The following CTNNA3 variants were observed in gnomAD, a reference collection of about 807,000 sequenced individuals.
CTNNA3 encodes catenin alpha-3.
Under a neutral mutation model 95.7 loss-of-function variants are expected in CTNNA3, and 76 were observed. That is an observed-to-expected ratio of 0.79 (90% CI 0.66 to 0.96). The LOEUF (loss-of-function observed/expected upper bound fraction) is 0.96. Among genes scored for constraint, CTNNA3 ranks in the 40% least tolerant of loss-of-function variants. CTNNA3 has a pLI of 0.00. For missense variants in CTNNA3, 1,191 were observed against 1,089.8 expected (o/e 1.09, Z -1.31); for synonymous variants, 431 against 374.4 (o/e 1.15, Z -1.74).
chr10:66,391,579 T>A (rs1046541421), intron 11 of CTNNA3, among the ~76,000 whole-genome samples: 5 of 152,104 alleles, frequency 3.3e-5, no homozygotes, highest in Admixed American at 3.3e-4. Context: ...TAAGAGTTAA[T>A]GCTCTTTAAA....
chr10:67,355,990 C>T (rs141871797), intron 5 of CTNNA3, among the ~76,000 whole-genome samples: 1 of 152,118 alleles, frequency 6.6e-6, no homozygotes, highest in African/African-American at 2.4e-5. Flanking sequence ...CATAGCCTTA[C>T]AACTTTAAAG....
intron 1 of CTNNA3, among the ~76,000 whole-genome samples, chr10:67,685,950 C>G (rs1051266245): frequency 1.3e-5 from 2 of 152,118 alleles, no homozygotes; most frequent in Admixed American, 1.3e-4. Flanking sequence ...GTTTCTTCCT[C>G]TCTCTCTTTC....
chr10:66,741,572 G>C (rs774792194), intron 9 of CTNNA3, among the ~76,000 whole-genome samples: 3 of 152,138 alleles, frequency 2.0e-5, no homozygotes, highest in Non-Finnish European at 2.9e-5. Context: ...ACTACACAAT[G>C]CATGGATTCC....
At chr10:67,612,699 G>A (rs1340997904) in intron 2 of CTNNA3, among the ~76,000 whole-genome samples, 1 of 152,102 alleles carries the variant, frequency 6.6e-6, no homozygotes. Flanking sequence ...CCATCAACCT[G>A]CCTCTCCACC....
intron 13 of CTNNA3, among the ~76,000 whole-genome samples, chr10:66,182,756 A>C (rs1189071964): frequency 6.6e-6 from 1 of 152,184 alleles, no homozygotes; most frequent in Non-Finnish European, 1.5e-5. Context: ...AAATAATTTA[A>C]GATCCTAAAA....
At chr10:67,252,485 T>C (rs768854098) in intron 5 of CTNNA3, among the ~76,000 whole-genome samples, 43 of 152,276 alleles carry the variant, frequency 2.8e-4, no homozygotes, top group Middle Eastern at 3.4e-3. Context: ...CAATAACTAA[T>C]AACAAAATAG....
chr10:66,917,325 C>T (rs1846542422), intron 7 of CTNNA3, among the ~76,000 whole-genome samples: 1 of 152,268 alleles, frequency 6.6e-6, no homozygotes, highest in East Asian at 1.9e-4. Context: ...CCTAAGCATT[C>T]CCCAACATTC....
At chr10:66,802,605 T>C (rs752673234) in intron 7 of CTNNA3, among the ~76,000 whole-genome samples, 3 of 151,736 alleles carry the variant, frequency 2.0e-5, no homozygotes, top group South Asian at 4.1e-4. Context: ...AATAAATACA[T>C]GTGTATAGCC....
In CTNNA3 at chr10:66,349,248, C is replaced by A. The variant is rs559894349; in HGVS notation, c.1732+29904G>T. 1.3e-3 allele frequency among the ~76,000 whole-genome samples: 195 copies of A among 152,140 alleles called. 2 individuals are homozygous for A. The highest frequency in any genetic ancestry group is 4.4e-3 in the African/African-American group (184 of 41,538). On this transcript the variant is annotated intron_variant, in intron 12 of 17. Coordinates refer to ENST00000433211, the MANE Select transcript of CTNNA3 (RefSeq NM_013266.4). ...TACAAAGAAGAAACTGAAGCCCTCA[C>A]TCCTACAACCACAGGGAACTGAATT...
In CTNNA3 at chr10:66,685,681, A is replaced by AT. The variant is rs1213001281; in HGVS notation, c.1282-63898dup. Among the ~76,000 whole-genome samples the AT allele has an allele frequency of 5.3e-5, 8 of 151,662 alleles. No homozygotes were observed. In the South Asian group the frequency reaches 6.3e-4, roughly 12 times the overall value. ...GACACCGCACCAGGCCAAGAACCATATTTTTTTTAAAAAGTTTGCCACTGT... is the reference window on the plus strand; with the variant it reads ...GACACCGCACCAGGCCAAGAACCATATTTTTTTTTAAAAAGTTTGCCACTGT... On this transcript the variant is annotated intron_variant, in intron 9 of 17. Coordinates refer to ENST00000433211, the MANE Select transcript of CTNNA3 (RefSeq NM_013266.4).
intron 15 of CTNNA3, among the ~76,000 whole-genome samples, chr10:66,019,786 A>G (rs2133419988): frequency 6.6e-6 from 1 of 152,330 alleles, no homozygotes; most frequent in Non-Finnish European, 1.5e-5. Flanking sequence ...TTCAAAGTCT[A>G]TAAAATGAAT....
At chr10:67,523,220 C>T (rs937752130) in intron 4 of CTNNA3, among the ~76,000 whole-genome samples, 2 of 152,128 alleles carry the variant, frequency 1.3e-5, no homozygotes, top group Admixed American at 1.3e-4. Flanking sequence ...AACAAATAAT[C>T]ATTTAGAACC....
chr10:67,335,780 T>C lies in CTNNA3; in HGVS notation c.580-115910A>G, dbSNP rs568897599. Among the ~76,000 whole-genome samples the C allele has an allele frequency of 8.5e-5, 13 of 152,356 alleles. No individual in the cohort carries two copies. The South Asian group carries it at 1.9e-3, about 22-fold the overall frequency. On this transcript the variant is annotated intron_variant, in intron 5 of 17. Coordinates refer to ENST00000433211, the MANE Select transcript of CTNNA3 (RefSeq NM_013266.4). The stretch of plus-strand genomic sequence containing the variant: ...TATTACATATCATTTTGCTTAAAGT[T>C]GTAGTCTCCAAGAACCTATCGACAA...
intron 5 of CTNNA3, among the ~76,000 whole-genome samples, chr10:67,348,131 C>A (rs1842502688): frequency 6.6e-6 from 1 of 152,106 alleles, no homozygotes; most frequent in Admixed American, 6.5e-5. Flanking sequence ...ACCCTTACAC[C>A]ATACATAACA....
At chr10:67,282,212 A>T (rs1211824348) in intron 5 of CTNNA3, among the ~76,000 whole-genome samples, 2 of 152,358 alleles carry the variant, frequency 1.3e-5, no homozygotes, top group Middle Eastern at 3.4e-3. Context: ...AATTTATTTT[A>T]AAATTTTATA....
In CTNNA3 at chr10:67,239,431, T is replaced by C. The variant is rs74477265; in HGVS notation, c.580-19561A>G. Among the ~76,000 whole-genome samples, 1,959 of 151,414 alleles carry C rather than the reference T, an allele frequency of 0.013. 118 individuals carry two copies. The East Asian group carries it at 0.19, about 15-fold the overall frequency. On this transcript the variant is annotated intron_variant, in intron 5 of 17. Coordinates refer to ENST00000433211, the MANE Select transcript of CTNNA3 (RefSeq NM_013266.4). ...TTTAATTCCATCTATGTGAAGTTCA[T>C]ACTCAGGCAAAAGTAACCTATCATT...
At chr10:65,961,521 C>A (rs879624558) in intron 17 of CTNNA3, among the ~76,000 whole-genome samples, 5 of 151,928 alleles carry the variant, frequency 3.3e-5, no homozygotes, top group Non-Finnish European at 4.4e-5. Flanking sequence ...GGAATATGTG[C>A]AAAAATATGA....
chr10:66,950,268 T>C (rs1314197188), intron 7 of CTNNA3, among the ~76,000 whole-genome samples: 2 of 152,164 alleles, frequency 1.3e-5, no homozygotes, highest in Non-Finnish European at 2.9e-5. Flanking sequence ...TTTACTTCTA[T>C]AGCCATTAAA....
chr10:67,525,752 T>C (rs2133169479), intron 4 of CTNNA3, among the ~76,000 whole-genome samples: 1 of 152,322 alleles, frequency 6.6e-6, no homozygotes, highest in East Asian at 1.9e-4. Flanking sequence ...GATCGATTGA[T>C]TCAAATAACT....
Sources: gnomAD v4.1 joint callset for allele counts (sites outside exome capture counted in the v4.1 genomes callset) on GRCh38, gnomAD v4.1.1 for gene constraint, MANE v1.5 for transcripts, NCBI Gene and HGNC (gene_info 2026-07-23, HGNC 2026-07-21) for gene names.